POU6F1: variants seen among roughly 807,000 people sequenced by gnomAD.
The protein encoded by POU6F1 is POU domain, class 6, transcription factor 1.
In POU6F1, 9 loss-of-function variants were observed where a neutral mutation model predicts 28.9. The ratio of observed to expected loss-of-function variants is 0.31; its 90% CI spans 0.19 to 0.54. The LOEUF (loss-of-function observed/expected upper bound fraction) is 0.54. Among genes scored for constraint, POU6F1 ranks in the 20% least tolerant of loss-of-function variants. POU6F1 has a pLI of 0.94. For synonymous variants in POU6F1, 173 were observed against 171.1 expected, an observed-to-expected ratio of 1.01 and a Z score of -0.09; for missense variants, 338 against 426.1, an observed-to-expected ratio of 0.79 and a Z score of 1.82.
chr12:51,216,573 C>T (rs1415747283), intron 1 of POU6F1, among the ~76,000 whole-genome samples: 3 of 152,142 alleles, frequency 2.0e-5, no homozygotes, highest in Non-Finnish European at 4.4e-5. Flanking sequence ...AGTACCAGGT[C>T]ACAGAAGTAT....
At position 51,190,973 on chromosome 12, in the gene POU6F1, G is replaced by T. The variant is rs936743299; in HGVS notation, c.1491-381C>A. Among the ~76,000 whole-genome samples, 2 of 152,202 alleles carry T rather than the reference G, an allele frequency of 1.3e-5. No individual in the cohort carries two copies. The highest frequency in any genetic ancestry group is 2.4e-5 in the African/African-American group (1 of 41,440). On this transcript the variant is annotated intron_variant, in intron 10 of 10. Transcript: ENST00000333640. This position sits in a 1 kb window ranked among gnomAD's most constrained non-coding sequence, Gnocchi z 4.5. ...CCATAGCAGCATCACTAACAAGTCA[G>T]GCTGCTCTTTCTGGCTGAGCTGGAT...
At position 51,196,097 on chromosome 12, in the gene POU6F1, T is replaced by A; in HGVS notation, c.1052A>T (p.Gln351Leu). Reference protein sequence around the residue: ...APAPAQSLQVQAVTPQLLLNA... With the variant: ...APAPAQSLQVLAVTPQLLLNA... Reference sequence around the variant, plus strand: ...CAACAACAGCTGGGGGGTCACGGCCTGGACCTGCAGGCTTTGGGCTGGTGC... The same window carrying A: ...CAACAACAGCTGGGGGGTCACGGCCAGGACCTGCAGGCTTTGGGCTGGTGC... Residue 351 changes from glutamine (Q) to leucine (L), a missense_variant, in exon 8 of 11, where the codon CAG (glutamine) becomes CTG (leucine). Physicochemically the swap from Gln to Leu is moderately radical, Grantham distance 113. This residue lies in a region of POU6F1 where 206 missense variants were observed against 225.6 expected (regional missense o/e 0.91). Transcript: ENST00000333640. The A allele has an allele frequency of 6.2e-7, 1 of 1,600,836 alleles. No individual in the cohort carries two copies. Among genetic ancestry groups the A allele is most frequent in the Non-Finnish European group, 8.5e-7 (1 of 1,174,156 alleles).
chr12:51,216,072 C>T (rs1017200235), intron 1 of POU6F1, among the ~76,000 whole-genome samples: 2 of 152,162 alleles, frequency 1.3e-5, no homozygotes, highest in African/African-American at 2.4e-5. Context: ...AATCCCAGCA[C>T]TTTGGGAGGC....
chr12:51,204,648 AATT>A (rs1465158502), intron 2 of POU6F1, among the ~76,000 whole-genome samples: 1 of 152,146 alleles, frequency 6.6e-6, no homozygotes, highest in Non-Finnish European at 1.5e-5. Flanking sequence ...TTTGGGAGCT[AATT>A]TCTCTTTGTT....
At chr12:51,205,247 G>C (rs988125436) in intron 2 of POU6F1, among the ~76,000 whole-genome samples, 1 of 151,700 alleles carries the variant, frequency 6.6e-6, no homozygotes, top group Non-Finnish European at 1.5e-5. Context: ...TCACTGTGTT[G>C]GCCAGGATGG....
At chr12:51,205,142 C>A (rs1438904814) in intron 2 of POU6F1, among the ~76,000 whole-genome samples, 1 of 151,648 alleles carries the variant, frequency 6.6e-6, no homozygotes, top group Non-Finnish European at 1.5e-5. Flanking sequence ...CGGGTTCACG[C>A]CATTCTCCTG....
rs1338144216 is a variant in POU6F1 at position 51,199,696 on chromosome 12, G to A, written c.366+51C>T. 6 of 398,970 alleles carry A rather than the reference G, an allele frequency of 1.5e-5. No homozygotes were observed. Among genetic ancestry groups the A allele is most frequent in the African/African-American group, 1.0e-4 (5 of 48,584 alleles). The allele number at this position is 398,970 out of a possible 1,614,324, so 24.7% of individuals were successfully genotyped here. On this transcript the variant is annotated intron_variant, in intron 4 of 10. Transcript: ENST00000333640. This position sits in a 1 kb window ranked among gnomAD's most constrained non-coding sequence, Gnocchi z 4.1. ...GGCTTCCCCATGCTGGCTGTCCCAT[G>A]CCTCGCTCCTGCCCCCGGCCTTCTG...
chr12:51,198,561 G>C lies in POU6F1; in HGVS notation c.581C>G (p.Ala194Gly). The C allele has an allele frequency of 2.5e-6, 1 of 399,362 alleles. No individual in the cohort carries two copies. Among genetic ancestry groups the C allele is most frequent in the Non-Finnish European group, 4.4e-6 (1 of 226,390 alleles). The allele number at this position is 399,362 out of a possible 1,614,324, so 24.7% of individuals were successfully genotyped here. A position where few individuals can be genotyped will look rare whatever the true frequency, so the allele number is the denominator to read the frequency against. Residue 194 changes from alanine to glycine, a missense_variant, in exon 5 of 11, where the codon GCC (alanine) becomes GGC (glycine). By Grantham distance (60) the Ala-to-Gly change is moderately conservative. Coordinates refer to ENST00000333640, the MANE Select transcript of POU6F1 (RefSeq NM_001330422.2). ...AGAGTTGCCGTTACCTTGGAGACCGGCTAAAGGTGGCTTGAACACTCCCCC... is the reference window on the plus strand; with the variant it reads ...AGAGTTGCCGTTACCTTGGAGACCGCCTAAAGGTGGCTTGAACACTCCCCC... ...PTGGVFKPPL[A>G]GLQAAAVLNT...
chr12:51,190,090 A>G lies in POU6F1; in HGVS notation c.*157T>C. On this transcript the variant is annotated 3_prime_UTR_variant, in exon 11 of 11. Coordinates refer to ENST00000333640, the MANE Select transcript of POU6F1 (RefSeq NM_001330422.2). The surrounding 1 kb of genome is among the most constrained non-coding windows in gnomAD (Gnocchi z 4.5). ...CATGATGTGAGATGTGTGGGAGAAA[A>G]GAGGGACATTGATGCACATGCACAC... The G allele has an allele frequency of 7.6e-7, 1 of 1,310,994 alleles. No homozygotes were observed. The highest frequency in any genetic ancestry group is 1.0e-6 in the Non-Finnish European group (1 of 983,576). 81.2% of individuals were successfully genotyped at this position (1,310,994 alleles called of 1,614,324 possible). A position where few individuals can be genotyped will look rare whatever the true frequency, so the allele number is the denominator to read the frequency against.
At chr12:51,194,658 A>AT (rs745776880) in intron 8 of POU6F1, among the ~76,000 whole-genome samples, 1 of 146,326 alleles carries the variant, frequency 6.8e-6, no homozygotes, top group African/African-American at 2.6e-5. Flanking sequence ...AAAAAAAAAA[A>AT]GCTCATCTGG....
chr12:51,198,201 C>T, intron 5 of POU6F1, 178 bp from the exon 6 acceptor site: 1 of 397,604 alleles, frequency 2.5e-6, no homozygotes, highest in Non-Finnish European at 4.4e-6. Flanking sequence ...TCTCTTATCC[C>T]CCCTCCCTGG....
In POU6F1 at chr12:51,217,649, C is replaced by T. The variant is rs1944360829; in HGVS notation, c.-55G>A. On this transcript the variant is annotated 5_prime_UTR_variant, in exon 1 of 11. Transcript: ENST00000333640. This position sits in a 1 kb window ranked among gnomAD's most constrained non-coding sequence, Gnocchi z 5.3. The stretch of plus-strand genomic sequence containing the variant: ...CCGGACCCCGCTACTTACCGGAGCC[C>T]GAGCCCGAGCCGCCTTCGCCGCGGG... 1.3e-5 allele frequency: 2 copies of T among 152,092 alleles called. No individual in the cohort carries two copies. Among genetic ancestry groups the T allele is most frequent in the South Asian group, 2.1e-4 (1 of 4,872 alleles). The allele number at this position is 152,092 out of a possible 1,614,324, so 9.4% of individuals were successfully genotyped here.
At chr12:51,202,861 T>C (rs937927314) in intron 3 of POU6F1, among the ~76,000 whole-genome samples, 5 of 152,262 alleles carry the variant, frequency 3.3e-5, no homozygotes, top group East Asian at 1.9e-4. Context: ...AAAATATGCA[T>C]GTGTGACAAA....
At chr12:51,200,355 G>A (rs1335453212) in intron 3 of POU6F1, among the ~76,000 whole-genome samples, 1 of 152,220 alleles carries the variant, frequency 6.6e-6, no homozygotes, top group Non-Finnish European at 1.5e-5. Flanking sequence ...GAAGGGCAAA[G>A]TCCTGGAAGC....
At chr12:51,193,699 G>A (rs1485939537) in intron 8 of POU6F1, among the ~76,000 whole-genome samples, 1 of 152,134 alleles carries the variant, frequency 6.6e-6, no homozygotes, top group Non-Finnish European at 1.5e-5. Flanking sequence ...ATCAAAAGAA[G>A]TTGTCTCTGG....
chr12:51,205,303 G>A (rs1337596357), intron 2 of POU6F1, among the ~76,000 whole-genome samples: 3 of 151,816 alleles, frequency 2.0e-5, no homozygotes, highest in South Asian at 2.1e-4. Flanking sequence ...GCCTCCCAAA[G>A]TGCTGGGATT....
In POU6F1 at chr12:51,189,977, G is replaced by A; in HGVS notation, c.*270C>T. On this transcript the variant is annotated 3_prime_UTR_variant, in exon 11 of 11. Transcript: ENST00000333640. ...ACCCTTCAGAAACCATGCTAGCAAG[G>A]TGCTTCTCTAAGTGACGTCACAAAT... 1.0e-5 allele frequency: 5 copies of A among 492,894 alleles called. No individual in the cohort carries two copies. Among genetic ancestry groups the A allele is most frequent in the Non-Finnish European group, 1.1e-5 (3 of 281,260 alleles). The allele number at this position is 492,894 out of a possible 1,614,324, so 30.5% of individuals were successfully genotyped here. A position where few individuals can be genotyped will look rare whatever the true frequency, so the allele number is the denominator to read the frequency against.
At chr12:51,205,818 CT>C (rs779988625) in intron 2 of POU6F1, among the ~76,000 whole-genome samples, 232 of 135,966 alleles carry the variant, frequency 1.7e-3, no homozygotes, top group African/African-American at 1.9e-3. Context: ...TCTTTTCTTT[CT>C]TTTTTTTTTT....
At chr12:51,215,381 C>G (rs528414630) in intron 1 of POU6F1, among the ~76,000 whole-genome samples, 15 of 151,606 alleles carry the variant, frequency 9.9e-5, no homozygotes, top group African/African-American at 3.6e-4. Context: ...ATGGTGAAAC[C>G]CCGTCTCTAC....
Sources: gnomAD v4.1 joint callset for allele counts (sites outside exome capture counted in the v4.1 genomes callset) on GRCh38, gnomAD v4.1.1 for gene constraint, gnomAD v4.1.1 regional missense constraint, Gnocchi (gnomAD v3.1) non-coding constraint, MANE v1.5 for transcripts, NCBI Gene and HGNC (gene_info 2026-07-23, HGNC 2026-07-21) for gene names.